MYO3B: variants seen among roughly 807,000 people sequenced by gnomAD.
MYO3B encodes the protein myosin-IIIb.
A neutral mutation model predicts 174.6 loss-of-function variants in MYO3B; 156 were observed. The observed-to-expected ratio is 0.89, with a 90% CI of 0.78 to 1.02. The LOEUF (loss-of-function observed/expected upper bound fraction) is 1.02, where lower values mean the gene tolerates loss of function less well. Ranked by LOEUF, MYO3B falls within the 50% of genes least tolerant of loss-of-function variation. The pLI is 0.00. For synonymous variants in MYO3B, 563 were observed against 569.1 expected, an observed-to-expected ratio of 0.99 and a Z score of 0.15; for missense variants, 1,632 against 1,639.4, an observed-to-expected ratio of 1.00 and a Z score of 0.08.
Position 170,497,699 on chromosome 2 carries a change from A to G in MYO3B, c.3015-893A>G, listed in dbSNP as rs969128612. On this transcript the variant is annotated intron_variant, in intron 25 of 34. Transcript: ENST00000408978. ...AAGGCTCCTGTGTCACTTAAAACTT[A>G]CGTTAAATGAATTGGTACGCATTTC... Among the ~76,000 whole-genome samples, 3 of 152,190 alleles carry G rather than the reference A, an allele frequency of 2.0e-5. No homozygotes were observed. In the East Asian group the frequency reaches 5.8e-4, roughly 29 times the overall value.
intron 9 of MYO3B, among the ~76,000 whole-genome samples, chr2:170,381,592 A>G (rs2094335733): frequency 6.6e-6 from 1 of 152,214 alleles, no homozygotes; most frequent in African/African-American, 2.4e-5. Flanking sequence ...ACGTAGGTTA[A>G]AAACTATCAC....
At chr2:170,512,429 A>T (rs890286096) in intron 28 of MYO3B, among the ~76,000 whole-genome samples, 41 of 152,170 alleles carry the variant, frequency 2.7e-4, no homozygotes, top group Admixed American at 2.6e-4. Flanking sequence ...AGCAGTTAGG[A>T]GGGGAAGCCT....
At chr2:170,487,105 T>C (rs531794556) in intron 25 of MYO3B, among the ~76,000 whole-genome samples, 1 of 152,346 alleles carries the variant, frequency 6.6e-6, no homozygotes, top group South Asian at 2.1e-4. Flanking sequence ...CAGGTGATTC[T>C]GATGCAGGTG....
chr2:170,303,002 G>C (rs1265727270), intron 7 of MYO3B, among the ~76,000 whole-genome samples: 1 of 151,980 alleles, frequency 6.6e-6, no homozygotes, highest in Non-Finnish European at 1.5e-5. Context: ...CAAACATGCC[G>C]CATTTTGTTT....
intron 7 of MYO3B, among the ~76,000 whole-genome samples, chr2:170,265,441 C>T: frequency 6.6e-6 from 1 of 152,210 alleles, no homozygotes; most frequent in East Asian, 1.9e-4. Context: ...GGGCCAGAAT[C>T]AACTAATCAG....
chr2:170,463,408 C>A lies in MYO3B; in HGVS notation c.2771C>A (p.Thr924Asn). The A allele has an allele frequency of 1.9e-6, 3 of 1,614,126 alleles. No homozygotes were observed. Among genetic ancestry groups the A allele is most frequent in the Non-Finnish European group, 1.7e-6 (2 of 1,180,030 alleles). Residue 924 changes from threonine to asparagine, a missense_variant, in exon 24 of 35, where the codon ACC becomes AAC. Transcript: ENST00000408978. ...GTGATACGGCATCCGGAAGAAACCACCAACATGAAGAGGCAAACTGTGGCT... is the reference window on the plus strand; with the variant it reads ...GTGATACGGCATCCGGAAGAAACCAACAACATGAAGAGGCAAACTGTGGCT... ...LEVIRHPEET[T>N]NMKRQTVASY...
intron 32 of MYO3B, among the ~76,000 whole-genome samples, chr2:170,629,046 T>A (rs13413300): frequency 0.062 from 9,501 of 152,218 alleles, 990 homozygotes; most frequent in African/African-American, 0.21. Flanking sequence ...ACAGGATTCA[T>A]CCATACCCAC....
chr2:170,444,753 G>A (rs1355505215), intron 23 of MYO3B, among the ~76,000 whole-genome samples: 1 of 152,182 alleles, frequency 6.6e-6, no homozygotes, highest in Non-Finnish European at 1.5e-5. Context: ...CTTATTTGCA[G>A]AGTGGGAACT....
At chr2:170,478,377 C>T (rs753713553) in intron 25 of MYO3B, among the ~76,000 whole-genome samples, 2 of 152,074 alleles carry the variant, frequency 1.3e-5, no homozygotes, top group African/African-American at 2.4e-5. Context: ...GTAAATATTT[C>T]GAGTTCCTTA....
chr2:170,536,842 G>C (rs1426552859), intron 30 of MYO3B, among the ~76,000 whole-genome samples: 1 of 152,094 alleles, frequency 6.6e-6, no homozygotes, highest in African/African-American at 2.4e-5. Flanking sequence ...CATAATGAAA[G>C]TTATATGACT....
intron 7 of MYO3B, among the ~76,000 whole-genome samples, chr2:170,297,785 A>G (rs1559368170): frequency 1.3e-5 from 2 of 152,222 alleles, no homozygotes; most frequent in South Asian, 4.1e-4. Context: ...TCTTGCCATT[A>G]TCAGTCTGAT....
intron 32 of MYO3B, among the ~76,000 whole-genome samples, chr2:170,576,971 GC>G (rs1692824900): frequency 6.6e-6 from 1 of 152,104 alleles, no homozygotes; most frequent in Non-Finnish European, 1.5e-5. Context: ...AGTCCTCTTT[GC>G]CCCCATTGTA....
At chr2:170,273,508 C>T (rs2093440153) in intron 7 of MYO3B, among the ~76,000 whole-genome samples, 1 of 152,138 alleles carries the variant, frequency 6.6e-6, no homozygotes, top group Non-Finnish European at 1.5e-5. Context: ...CCTAAAGAAT[C>T]CTGCTCTCCA....
At chr2:170,341,994 A>G (rs2093979661) in intron 8 of MYO3B, 1 of 152,232 alleles carries the variant, frequency 6.6e-6, no homozygotes, top group African/African-American at 2.4e-5. Context: ...TATACCTGGA[A>G]TATACTAGGA....
chr2:170,643,471 G>T (rs144184351), intron 32 of MYO3B, among the ~76,000 whole-genome samples: 1 of 152,258 alleles, frequency 6.6e-6, no homozygotes, highest in East Asian at 1.9e-4. Flanking sequence ...TCAGAGGAGT[G>T]ATGCACCTTT....
chr2:170,531,495 T>TACCTC (rs1043145380), intron 30 of MYO3B, among the ~76,000 whole-genome samples: 3 of 152,186 alleles, frequency 2.0e-5, no homozygotes, highest in Non-Finnish European at 4.4e-5. Context: ...GCACAATATC[T>TACCTC]ACCTCACCAA....
chr2:170,451,305 C>T (rs1192396423), intron 23 of MYO3B, among the ~76,000 whole-genome samples: 1 of 152,218 alleles, frequency 6.6e-6, no homozygotes, highest in African/African-American at 2.4e-5. Context: ...GACAGAAGTA[C>T]AAATAAGGTT....
At chr2:170,180,295 TCA>T in intron 1 of MYO3B, 1 of 293,102 alleles carries the variant, frequency 3.4e-6, no homozygotes, top group Non-Finnish European at 7.5e-6. Context: ...TCAAATCAGC[TCA>T]TGAAAAGAGG....
chr2:170,417,561 A>T (rs72876369), intron 22 of MYO3B, among the ~76,000 whole-genome samples: 2 of 152,154 alleles, frequency 1.3e-5, no homozygotes, highest in Non-Finnish European at 2.9e-5. Context: ...TCTGGAGGCT[A>T]CAAGTTCAAG....
Sources: gnomAD v4.1 joint callset for allele counts (sites outside exome capture counted in the v4.1 genomes callset) on GRCh38, gnomAD v4.1.1 for gene constraint, MANE v1.5 for transcripts, NCBI Gene and HGNC (gene_info 2026-07-23, HGNC 2026-07-21) for gene names.